CTNNA3: variants seen among roughly 807,000 people sequenced by gnomAD.
The protein encoded by CTNNA3 is catenin alpha-3.
Under a neutral mutation model 95.7 loss-of-function variants are expected in CTNNA3, and 76 were observed. The ratio of observed to expected loss-of-function variants is 0.79; its 90% CI spans 0.66 to 0.96. The LOEUF (loss-of-function observed/expected upper bound fraction) is 0.96. CTNNA3 is among the 40% of genes least tolerant of loss of function. CTNNA3 has a pLI of 0.00. For missense variants in CTNNA3, 1,191 were observed against 1,089.8 expected (o/e 1.09, Z -1.31); for synonymous variants, 431 against 374.4 (o/e 1.15, Z -1.74).
intron 7 of CTNNA3, among the ~76,000 whole-genome samples, chr10:66,942,831 A>G (rs1848079660): frequency 6.6e-6 from 1 of 152,204 alleles, no homozygotes; most frequent in Admixed American, 6.5e-5. Flanking sequence ...AGAAAACACA[A>G]TATCAATATT....
At chr10:66,645,432 G>A (rs952508334) in intron 9 of CTNNA3, among the ~76,000 whole-genome samples, 1 of 152,146 alleles carries the variant, frequency 6.6e-6, no homozygotes, top group Admixed American at 6.5e-5. Flanking sequence ...GCCTATAGGT[G>A]TCAAATTGCT....
intron 3 of CTNNA3, among the ~76,000 whole-genome samples, chr10:67,541,984 G>A (rs949441002): frequency 3.3e-5 from 5 of 152,096 alleles, no homozygotes; most frequent in African/African-American, 1.2e-4. Context: ...CTCTAAAAAT[G>A]TTGGAATGTT....
chr10:66,151,769 G>C (rs1237686554), intron 13 of CTNNA3, among the ~76,000 whole-genome samples: 1 of 151,878 alleles, frequency 6.6e-6, no homozygotes, highest in Admixed American at 6.6e-5. Flanking sequence ...TTTGAGTTAA[G>C]CTACACCAGA....
chr10:66,030,326 C>T lies in CTNNA3; in HGVS notation c.2159+38982G>A, dbSNP rs115979095. ...CATTACTAAACTTTATACTACAAGG[C>T]TACAGTAACCAAAGCAGCATGCTAC... On this transcript the variant is annotated intron_variant, in intron 15 of 17. Transcript: ENST00000433211. Among the ~76,000 whole-genome samples the T allele has an allele frequency of 9.3e-3, 1,412 of 152,174 alleles. 27 individuals carry two copies. The highest frequency in any genetic ancestry group is 0.032 in the African/African-American group (1,346 of 41,516).
chr10:67,398,131 GA>G (rs1422805059), intron 5 of CTNNA3, among the ~76,000 whole-genome samples: 8 of 152,212 alleles, frequency 5.3e-5, no homozygotes, highest in Non-Finnish European at 1.0e-4. Flanking sequence ...CCAGACCCCA[GA>G]ATGGTAGATC....
chr10:65,925,463 G>T (rs573574404), intron 17 of CTNNA3, among the ~76,000 whole-genome samples: 17 of 151,800 alleles, frequency 1.1e-4, no homozygotes, highest in Non-Finnish European at 2.1e-4. Flanking sequence ...TTGAGAAGGG[G>T]TCTCGCTCTG....
intron 5 of CTNNA3, among the ~76,000 whole-genome samples, chr10:67,493,213 A>G (rs114143803): frequency 0.038 from 5,022 of 132,444 alleles, 146 homozygotes; most frequent in African/African-American, 0.084. Context: ...ACGTGGGGGA[A>G]AAAAAAAAAA....
chr10:67,379,954 G>C (rs1256581097), intron 5 of CTNNA3, among the ~76,000 whole-genome samples: 2 of 149,404 alleles, frequency 1.3e-5, no homozygotes, highest in African/African-American at 4.9e-5. Flanking sequence ...CCGGGAGGCG[G>C]AGCTTGCAGT....
intron 1 of CTNNA3, among the ~76,000 whole-genome samples, chr10:67,762,194 AAAAAAAAAAG>A (rs1841465155): frequency 7.8e-6 from 1 of 128,992 alleles, no homozygotes; most frequent in Non-Finnish European, 1.8e-5. Flanking sequence ...CCAAAAAAAA[AAAAAAAAAAG>A]ATTATTTCAC....
chr10:66,012,911 C>A (rs2079031148), intron 15 of CTNNA3, among the ~76,000 whole-genome samples: 1 of 152,146 alleles, frequency 6.6e-6, no homozygotes, highest in Admixed American at 6.5e-5. Context: ...AATCCACTGG[C>A]TACAGTGCAT....
chr10:66,080,579 A>T (rs2133641500), intron 14 of CTNNA3, among the ~76,000 whole-genome samples: 1 of 152,316 alleles, frequency 6.6e-6, no homozygotes. Flanking sequence ...CCAAAGCCAA[A>T]ACTCTGCAAG....
intron 7 of CTNNA3, among the ~76,000 whole-genome samples, chr10:66,865,501 C>A (rs2132424178): frequency 6.6e-6 from 1 of 151,924 alleles, no homozygotes; most frequent in South Asian, 2.1e-4. Flanking sequence ...ATTCTCGATT[C>A]CTTGAAATAA....
chr10:66,644,345 T>C (rs1589060330), intron 9 of CTNNA3, among the ~76,000 whole-genome samples: 2 of 148,018 alleles, frequency 1.4e-5, no homozygotes, highest in Admixed American at 6.8e-5. Flanking sequence ...TTACATATAT[T>C]ATATATATTT....
In CTNNA3 at chr10:67,125,003, C is replaced by A. The variant is rs1241439352; in HGVS notation, c.1047+55314G>T. Among the ~76,000 whole-genome samples the A allele has an allele frequency of 3.3e-5, 5 of 152,146 alleles. No individual in the cohort carries two copies. In the East Asian group the frequency reaches 9.6e-4, roughly 29 times the overall value. On this transcript the variant is annotated intron_variant, in intron 7 of 17. Coordinates refer to ENST00000433211, the MANE Select transcript of CTNNA3 (RefSeq NM_013266.4). Reference sequence around the variant, plus strand: ...ATTTTTCAAGTTAAGCCAGGTGAGTCTGTAATCAATGACCAGAGCTCTGCT... The same window carrying A: ...ATTTTTCAAGTTAAGCCAGGTGAGTATGTAATCAATGACCAGAGCTCTGCT...
intron 10 of CTNNA3, among the ~76,000 whole-genome samples, chr10:66,549,740 AT>A (rs1432838846): frequency 2.6e-5 from 4 of 152,174 alleles, no homozygotes; most frequent in Non-Finnish European, 4.4e-5. Context: ...TAATTCATGA[AT>A]TATTTAGAAG....
chr10:66,413,012 G>A (rs1158617465), intron 11 of CTNNA3, among the ~76,000 whole-genome samples: 1 of 152,142 alleles, frequency 6.6e-6, no homozygotes, highest in Non-Finnish European at 1.5e-5. Flanking sequence ...CACAGGAATT[G>A]CAATATAAGT....
At chr10:66,068,401 C>A (rs2080359772) in intron 15 of CTNNA3, among the ~76,000 whole-genome samples, 1 of 152,032 alleles carries the variant, frequency 6.6e-6, no homozygotes. Context: ...ACAATCCTTT[C>A]TTTGTAAATT....
intron 12 of CTNNA3, among the ~76,000 whole-genome samples, chr10:66,372,068 A>G (rs935818280): frequency 2.0e-5 from 3 of 152,092 alleles, no homozygotes; most frequent in African/African-American, 7.2e-5. Flanking sequence ...CTTTGGGATG[A>G]CTTTAACTGT....
At chr10:67,194,752 G>A (rs1319854329) in intron 6 of CTNNA3, among the ~76,000 whole-genome samples, 3 of 151,914 alleles carry the variant, frequency 2.0e-5, no homozygotes, top group Non-Finnish European at 2.9e-5. Flanking sequence ...TTCATCAATT[G>A]TAACATTTGG....
Sources: allele counts gnomAD v4.1 joint callset (sites outside exome capture counted in the v4.1 genomes callset), GRCh38; gene constraint gnomAD v4.1.1; transcripts MANE v1.5; gene names NCBI Gene and HGNC (gene_info 2026-07-23, HGNC 2026-07-21).